The following DOCK9 variants were observed in gnomAD, a reference collection of about 807,000 sequenced individuals.
DOCK9 encodes the protein dedicator of cytokinesis 9.
Under a neutral mutation model 263.3 loss-of-function variants are expected in DOCK9, and 89 were observed. The observed-to-expected ratio is 0.34, with a 90% CI of 0.28 to 0.40. The LOEUF (loss-of-function observed/expected upper bound fraction) is 0.40. Ranked by LOEUF, DOCK9 falls within the 10% of genes least tolerant of loss-of-function variation. The pLI is 1.00. For missense variants in DOCK9, 2,140 were observed against 2,603.4 expected (o/e 0.82, Z 3.87); for synonymous variants, 976 against 973.1 (o/e 1.00, Z -0.06).
At chr13:98,899,687 C>T (rs1365430251) in intron 13 of DOCK9, among the ~76,000 whole-genome samples, 1 of 152,096 alleles carries the variant, frequency 6.6e-6, no homozygotes, top group East Asian at 1.9e-4. Flanking sequence ...TTGGTTCTAA[C>T]AATGATGAAT....
chr13:99,063,321 C>T (rs1169065132), intron 1 of DOCK9, among the ~76,000 whole-genome samples: 3 of 149,394 alleles, frequency 2.0e-5, no homozygotes, highest in Non-Finnish European at 4.4e-5. Flanking sequence ...CCTACCCAGA[C>T]TGTGGGGAAC....
intron 1 of DOCK9, among the ~76,000 whole-genome samples, chr13:99,063,318 A>T (rs1408714456): frequency 6.7e-6 from 1 of 149,712 alleles, no homozygotes; most frequent in East Asian, 2.1e-4. Context: ...GGCCCTACCC[A>T]GACTGTGGGG....
intron 1 of DOCK9, among the ~76,000 whole-genome samples, chr13:99,082,286 G>A (rs1321351899): frequency 1.3e-5 from 2 of 151,992 alleles, no homozygotes; most frequent in African/African-American, 4.8e-5. Context: ...GGGAGGCCGA[G>A]GTGGGCGGAT....
At chr13:98,963,588 G>A (rs770704744) in intron 1 of DOCK9, among the ~76,000 whole-genome samples, 2 of 152,156 alleles carry the variant, frequency 1.3e-5, no homozygotes, top group Non-Finnish European at 2.9e-5. Context: ...AATCCCAAAT[G>A]CCACTTCTTG....
rs568890190 is a variant in DOCK9, at chr13:98,825,712, G to A, written c.5023+1118C>T. On this transcript the variant is annotated intron_variant, in intron 44 of 52. Coordinates refer to ENST00000682017, the MANE Select transcript of DOCK9 (RefSeq NM_001366683.2). This position sits in a 1 kb window ranked among gnomAD's most constrained non-coding sequence, Gnocchi z 4.1. ...ATGGTGGCCAAGGTGCTTTCCTCTT[G>A]TGCCCACAGGAATAGACCAGCCAAC... Among the ~76,000 whole-genome samples, 2 of 136,992 alleles carry A rather than the reference G, an allele frequency of 1.5e-5. No individual in the cohort carries two copies. The highest frequency in any genetic ancestry group is 3.3e-5 in the Non-Finnish European group (2 of 60,004). 89.9% of individuals were successfully genotyped at this position (136,992 alleles called of 152,430 possible). A position where few individuals can be genotyped will look rare whatever the true frequency, so the allele number is the denominator to read the frequency against.
intron 27 of DOCK9, among the ~76,000 whole-genome samples, chr13:98,879,269 G>A (rs542258760): frequency 6.6e-6 from 1 of 152,274 alleles, no homozygotes; most frequent in East Asian, 1.9e-4. Context: ...GGAACCAGGG[G>A]AAGCAGGGGG....
intron 45 of DOCK9, among the ~76,000 whole-genome samples, chr13:98,812,737 A>C (rs4001059): frequency 6.6e-6 from 1 of 152,010 alleles, no homozygotes; most frequent in Non-Finnish European, 1.5e-5. Context: ...CTTTACATCT[A>C]ACCCACAGAA....
chr13:98,882,096 G>A, intron 23 of DOCK9, 89 bp from the exon 24 acceptor site: 1 of 1,092,398 alleles, frequency 9.2e-7, no homozygotes, highest in Non-Finnish European at 1.4e-6. Flanking sequence ...AAGGATGGAA[G>A]AACTCCCTCT....
At chr13:98,868,035 A>G (rs1388378786) in intron 28 of DOCK9, 24 bp from the exon 29 acceptor site, 2 of 1,607,380 alleles carry the variant, frequency 1.2e-6, no homozygotes, top group Non-Finnish European at 1.7e-6. Context: ...CAAGCAAAAA[A>G]GTTATTTCAG....
chr13:98,879,964 T>C lies in DOCK9; in HGVS notation c.2877A>G (p.Ser959=). ...FLTSNKLLKY[S]WFFFDVLIKS... is the part of the protein sequence containing the mutation. ...TGATCAGTACATCAAAGAAAAACCATGAGTACTAAAAGAAAAAAGAACAGG... is the reference window on the plus strand; with the variant it reads ...TGATCAGTACATCAAAGAAAAACCACGAGTACTAAAAGAAAAAAGAACAGG... The change falls in exon 27 of 53, where the codon TCA becomes TCG. Residue 959 remains serine (S), a synonymous_variant. Transcript: ENST00000682017. 6.2e-7 allele frequency: 1 copy of C among 1,602,506 alleles called. No individual in the cohort carries two copies. Among genetic ancestry groups the C allele is most frequent in the Non-Finnish European group, 8.5e-7 (1 of 1,177,120 alleles).
chr13:98,924,984 G>A (rs577668279), intron 4 of DOCK9, among the ~76,000 whole-genome samples: 24 of 152,146 alleles, frequency 1.6e-4, no homozygotes, highest in African/African-American at 5.8e-4. Flanking sequence ...GGCCAACACG[G>A]TGAAACCCTG....
In DOCK9 at chr13:98,977,783, C is replaced by A; in HGVS notation, c.126+1G>T. 1 of 1,611,818 alleles carries A rather than the reference C, an allele frequency of 6.2e-7. No homozygotes were observed. The highest frequency in any genetic ancestry group is 2.2e-5 in the East Asian group (1 of 44,838). On this transcript the variant is annotated splice_donor_variant, in intron 1 of 52. Coordinates refer to ENST00000682017, the MANE Select transcript of DOCK9 (RefSeq NM_001366683.2). LOFTEE classifies it high-confidence loss of function. Reference sequence around the variant, plus strand: ...CAACACTTTGTACGAGACCCTCTTACCGGCACAGGGCCCGGGCTCTCTGCT... The same window carrying A: ...CAACACTTTGTACGAGACCCTCTTAACGGCACAGGGCCCGGGCTCTCTGCT...
chr13:98,999,729 C>T (rs1291313107), intron 1 of DOCK9, among the ~76,000 whole-genome samples: 6 of 152,118 alleles, frequency 3.9e-5, no homozygotes, highest in Non-Finnish European at 8.8e-5. Flanking sequence ...GGATGGTGTC[C>T]AGCATTTTTC....
Position 98,868,363 on chromosome 13 carries a change from C to G in DOCK9, c.2958G>C (p.Gln986His), listed in dbSNP as rs2094099402. The G allele has an allele frequency of 1.2e-6, 2 of 1,611,712 alleles. No homozygotes were observed. The highest frequency in any genetic ancestry group is 8.5e-7 in the Non-Finnish European group (1 of 1,179,054). The change falls in exon 28 of 53, where the codon CAG becomes CAC. Residue 986 changes from glutamine (Q) to histidine (H), a missense_variant. Gln to His is a conservative substitution (Grantham distance 24, BLOSUM62 0). This residue lies in a region of DOCK9 where 1,521 missense variants were observed against 1,741.7 expected (regional missense o/e 0.87). Transcript: ENST00000682017. ...CATGATGATAGGATGCAGGAAATCT[C>G]TGGTTTCGCAGCAACTAAAAAGAAT... Reference protein sequence around the residue: ...ENSKVKLLRNQRFPASYHHAV... With the variant: ...ENSKVKLLRNHRFPASYHHAV...
chr13:98,815,162 T>G (rs930278378), intron 45 of DOCK9, among the ~76,000 whole-genome samples: 1 of 152,096 alleles, frequency 6.6e-6, no homozygotes, highest in Non-Finnish European at 1.5e-5. Context: ...GGAAATAAGC[T>G]AAGATTCCCT....
rs573183175 is a variant in DOCK9 at position 98,796,464 on chromosome 13, A to C, written c.6156+651T>G. Among the ~76,000 whole-genome samples the C allele has an allele frequency of 2.6e-5, 4 of 152,294 alleles. No individual in the cohort carries two copies. The East Asian group carries it at 7.7e-4, about 29-fold the overall frequency. On this transcript the variant is annotated intron_variant, in intron 52 of 52. Transcript: ENST00000682017. Reference sequence around the variant, plus strand: ...TGACTGAGACAGACCCCTCACAAAAAAAACAATGTGGATGCTGCTCTAGGC... The same window carrying C: ...TGACTGAGACAGACCCCTCACAAAACAAACAATGTGGATGCTGCTCTAGGC...
chr13:98,888,585 A>G (rs1253138868), intron 16 of DOCK9, 38 bp from the exon 17 acceptor site: 2 of 1,612,534 alleles, frequency 1.2e-6, no homozygotes, highest in South Asian at 2.2e-5. Context: ...CTGAAGTAAA[A>G]CCCAAACTAA....
intron 1 of DOCK9, among the ~76,000 whole-genome samples, chr13:99,048,973 T>G (rs2040560227): frequency 1.3e-5 from 2 of 152,242 alleles, no homozygotes; most frequent in African/African-American, 4.8e-5. Flanking sequence ...TGAATAAGTC[T>G]GACTGTGGAG....
intron 1 of DOCK9, among the ~76,000 whole-genome samples, chr13:99,059,308 C>A (rs1396493344): frequency 6.6e-6 from 1 of 152,194 alleles, no homozygotes; most frequent in Non-Finnish European, 1.5e-5. Context: ...CTCCACGGGT[C>A]CAGCTGTGGC....
Sources: allele counts gnomAD v4.1 joint callset (sites outside exome capture counted in the v4.1 genomes callset), GRCh38; gene constraint gnomAD v4.1.1; regional missense constraint gnomAD v4.1.1; non-coding constraint Gnocchi (gnomAD v3.1); transcripts MANE v1.5; gene names NCBI Gene and HGNC (gene_info 2026-07-23, HGNC 2026-07-21).